Variants in BACH1 observed in about 807,000 individuals in gnomAD.
BACH1 encodes BTB domain and CNC homolog 1, also known as transcription regulator protein BACH1.
In BACH1, 35 loss-of-function variants were observed where a neutral mutation model predicts 52.9. The ratio of observed to expected loss-of-function variants is 0.66; its 90% CI spans 0.51 to 0.88. BACH1 has a LOEUF of 0.88. BACH1 is among the 40% of genes least tolerant of loss of function. The pLI is 0.00. For missense variants in BACH1, 808 were observed against 872.6 expected, an observed-to-expected ratio of 0.93 and a Z score of 0.93; for synonymous variants, 321 against 319.6, an observed-to-expected ratio of 1.00 and a Z score of -0.05.
At chr21:29,304,463 C>T (rs1415352017) in intron 1 of BACH1, among the ~76,000 whole-genome samples, 1 of 152,072 alleles carries the variant, frequency 6.6e-6, no homozygotes, top group East Asian at 1.9e-4. Flanking sequence ...AAGTTTTTTT[C>T]ACTTTTTAAA....
At chr21:29,355,436 C>G (rs1409607331) in intron 2 of BACH1, among the ~76,000 whole-genome samples, 1 of 152,216 alleles carries the variant, frequency 6.6e-6, no homozygotes, top group Non-Finnish European at 1.5e-5. Flanking sequence ...CCCCACCTAA[C>G]CCAGAAGGCC....
chr21:29,358,806 G>GAAAGAA lies in BACH1; in HGVS notation c.472+29115_472+29120dup, dbSNP rs950688215. 2.3e-5 allele frequency among the ~76,000 whole-genome samples: 3 copies of GAAAGAA among 130,680 alleles called. No individual in the cohort carries two copies. In the East Asian group the frequency reaches 6.0e-4, roughly 26 times the overall value. 85.7% of individuals were successfully genotyped at this position (130,680 alleles called of 152,430 possible). A position where few individuals can be genotyped will look rare whatever the true frequency, so the allele number is the denominator to read the frequency against. On this transcript the variant is annotated intron_variant, in intron 2 of 4. Coordinates refer to the BACH1 transcript ENST00000422809. ...AGAAAGAAAGAAAGAAAGAAAGAAA[G>GAAAGAA]AAAGAAAGAAGAAAGAAAGAAATGT...
intron 3 of BACH1, among the ~76,000 whole-genome samples, chr21:29,328,427 AT>A (rs528699026): frequency 3.3e-5 from 5 of 151,400 alleles, no homozygotes; most frequent in Middle Eastern, 6.8e-3. Flanking sequence ...ATATTTTATG[AT>A]TTTTTTTGCC....
chr21:29,312,902 GAATT>G (rs2088742567), intron 1 of BACH1, among the ~76,000 whole-genome samples: 1 of 152,058 alleles, frequency 6.6e-6, no homozygotes, highest in African/African-American at 2.4e-5. Context: ...AATTTAATAA[GAATT>G]AAAAAGCCCA....
chr21:29,325,900 A>G (rs2088904784), intron 2 of BACH1, among the ~76,000 whole-genome samples, 159 bp from the exon 3 acceptor site: 1 of 152,152 alleles, frequency 6.6e-6, no homozygotes, highest in South Asian at 2.1e-4. Flanking sequence ...TTTTTCTTTT[A>G]CATTTCTTAG....
downstream of BACH1, among the ~76,000 whole-genome samples, chr21:29,347,261 A>G (rs1207643318): frequency 6.6e-6 from 1 of 152,208 alleles, no homozygotes; most frequent in African/African-American, 2.4e-5. Context: ...GGAATTAGGC[A>G]GACTTAATCC....
chr21:29,355,184 G>C (rs774772264), intron 2 of BACH1, among the ~76,000 whole-genome samples: 46 of 152,220 alleles, frequency 3.0e-4, no homozygotes, highest in Non-Finnish European at 1.0e-4. Context: ...AGTGCTGATT[G>C]GTCTGTTTTT....
chr21:29,329,335 T>TCA, intron 3 of BACH1, 152 bp from the exon 4 acceptor site: 4 of 559,918 alleles, frequency 7.1e-6, no homozygotes, highest in Admixed American at 3.9e-5. Flanking sequence ...AGATATCCTT[T>TCA]TGAGATTGTA....
intron 1 of BACH1, among the ~76,000 whole-genome samples, chr21:29,302,286 A>G (rs1220214760): frequency 6.6e-6 from 1 of 152,214 alleles, no homozygotes; most frequent in Non-Finnish European, 1.5e-5. Context: ...TTTGAGTGCA[A>G]TTCGCCAGAA....
chr21:29,347,950 G>T (rs2089179556), downstream of BACH1, among the ~76,000 whole-genome samples: 1 of 151,982 alleles, frequency 6.6e-6, no homozygotes, highest in South Asian at 2.1e-4. Flanking sequence ...AAATTTGAAT[G>T]GAAGTTTAAC....
chr21:29,355,573 T>C (rs4817283), intron 2 of BACH1, among the ~76,000 whole-genome samples: 18,918 of 152,122 alleles, frequency 0.12, 1,530 homozygotes, highest in East Asian at 0.36. Flanking sequence ...AGTTGCAGTG[T>C]CTTCCAGAGG....
intron 1 of BACH1, among the ~76,000 whole-genome samples, chr21:29,305,890 T>C (rs116477586): frequency 0.02 from 3,014 of 152,354 alleles, 85 homozygotes; most frequent in African/African-American, 0.068. Flanking sequence ...CAGGAACTTT[T>C]CCAGATATTG....
intron 2 of BACH1, 91 bp from the exon 3 acceptor site, chr21:29,325,968 C>T (rs1178791355): frequency 8.3e-6 from 10 of 1,210,610 alleles, no homozygotes; most frequent in Non-Finnish European, 1.1e-5. Context: ...AAATAAGTTA[C>T]ATATCTCTCT....
Position 29,342,806 on chromosome 21 carries a change from G to T in BACH1, c.2184G>T (p.Met728Ile). The T allele has an allele frequency of 1.2e-6, 2 of 1,607,448 alleles. No individual in the cohort carries two copies. The highest frequency in any genetic ancestry group is 2.2e-5 in the South Asian group (2 of 90,788). Reference sequence around the variant, plus strand: ...GGATCTCAGATTTCTGTCAGCAGATGACTGATAAATGTACTACTGATGAGT... The same window carrying T: ...GGATCTCAGATTTCTGTCAGCAGATTACTGATAAATGTACTACTGATGAGT... ...SGGISDFCQQ[M>I]TDKCTTDE Residue 728 changes from methionine to isoleucine, a missense_variant, in exon 5 of 5, where the codon ATG becomes ATT. Coordinates refer to ENST00000286800, the MANE Select transcript of BACH1 (RefSeq NM_001186.4).
At chr21:29,304,736 G>C (rs968969012) in intron 1 of BACH1, among the ~76,000 whole-genome samples, 1 of 152,106 alleles carries the variant, frequency 6.6e-6, no homozygotes, top group African/African-American at 2.4e-5. Context: ...TTTGTCCTAA[G>C]GAGGTGAACT....
At chr21:29,354,454 C>T (rs1035965223) in intron 2 of BACH1, among the ~76,000 whole-genome samples, 1 of 152,002 alleles carries the variant, frequency 6.6e-6, no homozygotes, top group African/African-American at 2.4e-5. Flanking sequence ...AGTAAGAAAC[C>T]ACGGCTGTAG....
In BACH1 at chr21:29,328,725, G is replaced by A. The variant is rs74929293; in HGVS notation, c.1570-762G>A. ...ATTTTTTCCCTCTCCCTAGCCCCTG[G>A]CAACCACCATTCTACTCTCTGTTTC... On this transcript the variant is annotated intron_variant, in intron 3 of 4. Transcript: ENST00000286800. Among the ~76,000 whole-genome samples, 812 of 152,052 alleles carry A rather than the reference G, an allele frequency of 5.3e-3. 8 individuals carry two copies. Among genetic ancestry groups the A allele is most frequent in the African/African-American group, 0.018 (760 of 41,452 alleles).
chr21:29,323,023 T>TAA (rs1480505692), intron 2 of BACH1, among the ~76,000 whole-genome samples: 37 of 68,552 alleles, frequency 5.4e-4, no homozygotes, highest in African/African-American at 4.2e-3. Context: ...TCATTCATTC[T>TAA]TTCTAATGTG....
At chr21:29,318,992 T>C (rs1221887346) in intron 1 of BACH1, among the ~76,000 whole-genome samples, 2 of 152,192 alleles carry the variant, frequency 1.3e-5, no homozygotes, top group African/African-American at 4.8e-5. Context: ...AAAAAATGTC[T>C]GGTGGCAATT....
Sources: allele counts gnomAD v4.1 joint callset (sites outside exome capture counted in the v4.1 genomes callset), GRCh38; gene constraint gnomAD v4.1.1; transcripts MANE v1.5; gene names NCBI Gene and HGNC (gene_info 2026-07-23, HGNC 2026-07-21).